The following IGFBP7 variants were observed in gnomAD, a reference collection of about 807,000 sequenced individuals.
IGFBP7 encodes insulin like growth factor binding protein 7, also known as insulin-like growth factor-binding protein 7.
IGFBP7 carries 31 observed loss-of-function variants against 29.4 expected under a neutral mutation model. That is an observed-to-expected ratio of 1.05 (90% confidence interval 0.79 to 1.42). IGFBP7 has a LOEUF of 1.42. IGFBP7 is among the 40% of genes most tolerant of loss of function. The pLI is 0.00. For synonymous variants in IGFBP7, 172 were observed against 174.9 expected, an observed-to-expected ratio of 0.98 and a Z score of 0.13; for missense variants, 393 against 395.5, an observed-to-expected ratio of 0.99 and a Z score of 0.05.
At chr4:57,094,237 A>C (rs1487585264) in intron 1 of IGFBP7, among the ~76,000 whole-genome samples, 3 of 152,194 alleles carry the variant, frequency 2.0e-5, no homozygotes, top group Non-Finnish European at 4.4e-5. Flanking sequence ...ATAATTTTCC[A>C]CTTTCAGTGA....
chr4:57,050,777 C>T (rs1023157303), intron 1 of IGFBP7, among the ~76,000 whole-genome samples: 3 of 149,392 alleles, frequency 2.0e-5, no homozygotes, highest in African/African-American at 7.5e-5. Flanking sequence ...AGGCTGGTCT[C>T]GAACCCTTGG....
intron 1 of IGFBP7, among the ~76,000 whole-genome samples, chr4:57,057,674 A>T (rs1713956): frequency 6.6e-6 from 1 of 151,818 alleles, no homozygotes; most frequent in Non-Finnish European, 1.5e-5. Flanking sequence ...GTTCTCAGGG[A>T]GTCTCTTTAA....
At chr4:57,033,463 C>A in intron 2 of IGFBP7, 152 bp from the exon 3 acceptor site, 2 of 689,378 alleles carry the variant, frequency 2.9e-6, no homozygotes, top group Non-Finnish European at 2.7e-6. Flanking sequence ...TTCCTAAATA[C>A]TTTTAAAATA....
intron 1 of IGFBP7, among the ~76,000 whole-genome samples, chr4:57,076,416 G>T (rs924464494): frequency 6.6e-6 from 1 of 152,320 alleles, no homozygotes; most frequent in African/African-American, 2.4e-5. Context: ...GTCCTTGGAT[G>T]TCCCTCTCTT....
intron 1 of IGFBP7, among the ~76,000 whole-genome samples, chr4:57,058,814 C>A (rs1024257290): frequency 6.6e-6 from 1 of 152,124 alleles, no homozygotes; most frequent in African/African-American, 2.4e-5. Flanking sequence ...TACAGACAAC[C>A]TACAGAATAG....
chr4:57,072,944 C>T, intron 1 of IGFBP7: 1 of 789,200 alleles, frequency 1.3e-6, no homozygotes, highest in East Asian at 2.8e-5. Context: ...CCTGGACATC[C>T]TGAAGGACAA....
At chr4:57,041,280 T>C (rs182846452) in intron 1 of IGFBP7, among the ~76,000 whole-genome samples, 7 of 152,362 alleles carry the variant, frequency 4.6e-5, no homozygotes, top group African/African-American at 1.7e-4. Flanking sequence ...AAATGTTCAA[T>C]GTTTTTCTTC....
intron 1 of IGFBP7, among the ~76,000 whole-genome samples, chr4:57,106,285 C>T (rs776735956): frequency 2.2e-4 from 33 of 152,034 alleles, no homozygotes; most frequent in Non-Finnish European, 3.7e-4. Context: ...GGTTTGGGGG[C>T]GACATACCTC....
chr4:57,031,188 CTG>C lies in IGFBP7; in HGVS notation c.*127_*128del, dbSNP rs1184568965. 6.0e-6 allele frequency: 5 copies of C among 833,696 alleles called. No individual in the cohort carries two copies. Among genetic ancestry groups the C allele is most frequent in the Non-Finnish European group, 1.0e-5 (5 of 502,170 alleles). 51.6% of individuals were successfully genotyped at this position (833,696 alleles called of 1,614,324 possible). A position where few individuals can be genotyped will look rare whatever the true frequency, so the allele number is the denominator to read the frequency against. On this transcript the variant is annotated 3_prime_UTR_variant, in exon 5 of 5. Coordinates refer to ENST00000295666, the MANE Select transcript of IGFBP7 (RefSeq NM_001553.3). ...TGTGTGATCTTTATTTTGTATTTCTCTGTGTAAAACCAGTGAATATAACTAAA... is the reference window on the plus strand; with the variant it reads ...TGTGTGATCTTTATTTTGTATTTCTCTGTAAAACCAGTGAATATAACTAAA...
chr4:57,054,686 C>A lies in IGFBP7; in HGVS notation c.476-13753G>T, dbSNP rs1007856204. 5.4e-5 allele frequency among the ~76,000 whole-genome samples: 8 copies of A among 149,468 alleles called. No individual in the cohort carries two copies. The East Asian group carries it at 1.2e-3, about 22-fold the overall frequency. ...AAAAAGAAGAAGAAATAGATGTGCC[C>A]CTGGGGAAGAGGATGTAAGAGATTC... On this transcript the variant is annotated intron_variant, in intron 1 of 4. Transcript: ENST00000295666.
intron 1 of IGFBP7, among the ~76,000 whole-genome samples, chr4:57,072,019 G>C (rs890003832): frequency 5.3e-5 from 8 of 151,754 alleles, no homozygotes; most frequent in Non-Finnish European, 8.8e-5. Context: ...TTTTAGGTTT[G>C]GGGGTACATG....
chr4:57,043,468 T>C (rs1724280183), intron 1 of IGFBP7, among the ~76,000 whole-genome samples: 1 of 152,186 alleles, frequency 6.6e-6, no homozygotes, highest in South Asian at 2.1e-4. Flanking sequence ...TCAAAGGACA[T>C]AAAGTCTCCC....
chr4:57,051,136 G>A (rs951712472), intron 1 of IGFBP7, among the ~76,000 whole-genome samples: 3 of 152,138 alleles, frequency 2.0e-5, no homozygotes, highest in South Asian at 2.1e-4. Flanking sequence ...AGTACAAAAC[G>A]GGAAAAGAAT....
At chr4:57,079,273 G>A (rs3806744) in intron 1 of IGFBP7, among the ~76,000 whole-genome samples, 23,759 of 151,942 alleles carry the variant, frequency 0.16, 1,945 homozygotes, top group African/African-American at 0.18. Context: ...CAGGTGATAC[G>A]TGGCATTTTG....
intron 1 of IGFBP7, among the ~76,000 whole-genome samples, chr4:57,074,506 G>A (rs1435052012): frequency 6.6e-6 from 1 of 152,140 alleles, no homozygotes; most frequent in African/African-American, 2.4e-5. Flanking sequence ...AGTACTATAG[G>A]CTTCACCCAT....
At position 57,074,122 on chromosome 4, in the gene IGFBP7, G is replaced by A. The variant is rs369815261; in HGVS notation, c.476-33189C>T. ...GTCACCCAGGCTGGAGTGCAGTGGA[G>A]CAATCCCAGCTCACTACAACCTCCA... On this transcript the variant is annotated intron_variant, in intron 1 of 4. Coordinates refer to ENST00000295666, the MANE Select transcript of IGFBP7 (RefSeq NM_001553.3). 6.7e-4 allele frequency among the ~76,000 whole-genome samples: 102 copies of A among 152,118 alleles called. No homozygotes were observed. In the East Asian group the frequency reaches 0.015, roughly 23 times the overall value.
chr4:57,097,458 T>C (rs997396843), intron 1 of IGFBP7, among the ~76,000 whole-genome samples: 8 of 152,212 alleles, frequency 5.3e-5, no homozygotes, highest in Non-Finnish European at 2.9e-5. Context: ...GGTCTGAACA[T>C]AGGTTTCAGA....
At chr4:57,045,325 A>G (rs1244038545) in intron 1 of IGFBP7, among the ~76,000 whole-genome samples, 1 of 152,246 alleles carries the variant, frequency 6.6e-6, no homozygotes, top group Non-Finnish European at 1.5e-5. Flanking sequence ...TTGCTGCACA[A>G]CATTTACAAA....
At chr4:57,059,169 T>C (rs1311707505) in intron 1 of IGFBP7, among the ~76,000 whole-genome samples, 1 of 152,138 alleles carries the variant, frequency 6.6e-6, no homozygotes, top group Non-Finnish European at 1.5e-5. Context: ...AGCTCAACCA[T>C]TGTGGAAAGC....
Sources: allele counts gnomAD v4.1 joint callset (sites outside exome capture counted in the v4.1 genomes callset), GRCh38; gene constraint gnomAD v4.1.1; transcripts MANE v1.5; gene names NCBI Gene and HGNC (gene_info 2026-07-23, HGNC 2026-07-21).